The following STXBP5L variants were observed in gnomAD, a reference collection of about 807,000 sequenced individuals.
STXBP5L encodes the protein syntaxin-binding protein 5-like.
Under a neutral mutation model 144.5 loss-of-function variants are expected in STXBP5L, and 65 were observed. The observed-to-expected ratio is 0.45, with a 90% CI of 0.37 to 0.55. STXBP5L has a LOEUF of 0.55. Ranked by LOEUF, STXBP5L falls within the 20% of genes least tolerant of loss-of-function variation. The probability of loss-of-function intolerance (pLI) is 0.00; values close to 1 mark genes in which losing one functional copy is unlikely to be tolerated. For synonymous variants in STXBP5L, 505 were observed against 469.6 expected (o/e 1.08, Z -0.97); for missense variants, 1,298 against 1,405.5 (o/e 0.92, Z 1.22).
chr3:121,234,897 A>G (rs2049424475), intron 12 of STXBP5L, among the ~76,000 whole-genome samples: 1 of 152,044 alleles, frequency 6.6e-6, no homozygotes, highest in African/African-American at 2.4e-5. Context: ...TCGTCTTTCT[A>G]CGTCATATTT....
At chr3:121,289,709 G>A (rs1285570249) in intron 19 of STXBP5L, among the ~76,000 whole-genome samples, 1 of 152,088 alleles carries the variant, frequency 6.6e-6, no homozygotes, top group Non-Finnish European at 1.5e-5. Flanking sequence ...TACTCTCTCA[G>A]ACCACAGTGG....
At chr3:121,330,548 C>A (rs907968213) in intron 20 of STXBP5L, among the ~76,000 whole-genome samples, 1 of 152,166 alleles carries the variant, frequency 6.6e-6, no homozygotes, top group Non-Finnish European at 1.5e-5. Context: ...TTGCTTGAGA[C>A]AGTAGGGTAC....
intron 3 of STXBP5L, among the ~76,000 whole-genome samples, chr3:120,998,346 C>T (rs1278289412): frequency 2.0e-5 from 3 of 151,956 alleles, no homozygotes; most frequent in Middle Eastern, 3.2e-3. Flanking sequence ...TAATCTGTGC[C>T]CCAAAGGTCC....
chr3:120,970,838 G>A (rs1940165954), intron 3 of STXBP5L, among the ~76,000 whole-genome samples: 1 of 152,036 alleles, frequency 6.6e-6, no homozygotes, highest in Admixed American at 6.6e-5. Context: ...TTGAGCACAG[G>A]AACTAAAACA....
chr3:120,977,944 G>T (rs1941275176), intron 3 of STXBP5L, among the ~76,000 whole-genome samples: 1 of 152,216 alleles, frequency 6.6e-6, no homozygotes, highest in Non-Finnish European at 1.5e-5. Flanking sequence ...CCCTTTGTGG[G>T]TAACCCGACC....
intron 2 of STXBP5L, among the ~76,000 whole-genome samples, chr3:120,931,991 G>T (rs1432730194): frequency 6.6e-6 from 1 of 152,112 alleles, no homozygotes; most frequent in East Asian, 1.9e-4. Context: ...AACCTATATG[G>T]CATAGCCTAC....
intron 9 of STXBP5L, among the ~76,000 whole-genome samples, chr3:121,176,712 C>T (rs1280252026): frequency 6.6e-6 from 1 of 151,466 alleles, no homozygotes; most frequent in African/African-American, 2.4e-5. Context: ...GATAAAATTA[C>T]AAAGAACAAA....
At position 121,046,087 on chromosome 3, in the gene STXBP5L, G is replaced by A. The variant is rs192191756; in HGVS notation, c.470+552G>A. 5.9e-5 allele frequency among the ~76,000 whole-genome samples: 9 copies of A among 152,002 alleles called. No individual in the cohort carries two copies. The East Asian group carries it at 1.7e-3, about 29-fold the overall frequency. ...GTTTTAACATGAAGGACATCGAATT[G>A]TACCAGAAGACTTTTCTGCATCTAT... is the stretch of plus-strand genomic sequence containing the variant. On this transcript the variant is annotated intron_variant, in intron 5 of 26. Coordinates refer to ENST00000471454, the MANE Select transcript of STXBP5L (RefSeq NM_001308330.2).
intron 9 of STXBP5L, among the ~76,000 whole-genome samples, chr3:121,164,749 A>C (rs574868901): frequency 8.5e-5 from 13 of 152,318 alleles, no homozygotes; most frequent in African/African-American, 3.1e-4. Flanking sequence ...AACATAGCTG[A>C]ACCTGGAGGA....
intron 5 of STXBP5L, among the ~76,000 whole-genome samples, chr3:121,107,969 G>T (rs2107803024): frequency 6.6e-6 from 1 of 152,130 alleles, no homozygotes; most frequent in East Asian, 1.9e-4. Flanking sequence ...TATTCTCTTT[G>T]TAGCAATTGT....
chr3:121,021,207 G>C (rs1945527298), intron 3 of STXBP5L, among the ~76,000 whole-genome samples: 1 of 152,022 alleles, frequency 6.6e-6, no homozygotes, highest in South Asian at 2.1e-4. Context: ...TAGTCCAACA[G>C]GAAAATATGA....
chr3:120,912,456 T>C (rs1379574641), intron 2 of STXBP5L, among the ~76,000 whole-genome samples: 1 of 151,944 alleles, frequency 6.6e-6, no homozygotes, highest in Non-Finnish European at 1.5e-5. Flanking sequence ...AAAAAAACTT[T>C]TTATATTTGT....
chr3:120,971,481 G>A (rs1940244990), intron 3 of STXBP5L, among the ~76,000 whole-genome samples: 1 of 151,892 alleles, frequency 6.6e-6, no homozygotes. Context: ...TAAACATGTG[G>A]TTAGTGAGAA....
chr3:121,000,315 T>A (rs796938492), intron 3 of STXBP5L, among the ~76,000 whole-genome samples: 4 of 152,266 alleles, frequency 2.6e-5, no homozygotes, highest in African/African-American at 9.6e-5. Context: ...TTTACATTCT[T>A]TTTTCCTTAT....
chr3:120,928,540 T>C (rs1709758376), intron 2 of STXBP5L, among the ~76,000 whole-genome samples: 1 of 152,066 alleles, frequency 6.6e-6, no homozygotes, highest in Admixed American at 6.6e-5. Flanking sequence ...GGATTACAAG[T>C]ATGAGCCACC....
At chr3:120,972,147 A>C (rs1295192662) in intron 3 of STXBP5L, among the ~76,000 whole-genome samples, 1 of 151,906 alleles carries the variant, frequency 6.6e-6, no homozygotes, top group Non-Finnish European at 1.5e-5. Flanking sequence ...TGCATTGAAT[A>C]TGTACATTGA....
chr3:121,410,293 G>T (rs2047085970), intron 23 of STXBP5L, among the ~76,000 whole-genome samples: 1 of 151,836 alleles, frequency 6.6e-6, no homozygotes, highest in African/African-American at 2.4e-5. Context: ...TATAAAAGCT[G>T]CTTGACATGA....
intron 8 of STXBP5L, 99 bp downstream of exon 8, chr3:121,152,659 A>G (rs534102136): frequency 2.5e-6 from 2 of 809,672 alleles, no homozygotes; most frequent in Admixed American, 3.1e-5. Context: ...TAGCCTTGGA[A>G]AGTTGCCTGA....
At chr3:121,287,366 G>T (rs113050465) in intron 19 of STXBP5L, among the ~76,000 whole-genome samples, 59 of 152,046 alleles carry the variant, frequency 3.9e-4, no homozygotes, top group African/African-American at 1.4e-3. Flanking sequence ...ACAGCTACTA[G>T]AACTAAAAAT....
Sources: allele counts gnomAD v4.1 joint callset (sites outside exome capture counted in the v4.1 genomes callset), GRCh38; gene constraint gnomAD v4.1.1; transcripts MANE v1.5; gene names NCBI Gene and HGNC (gene_info 2026-07-23, HGNC 2026-07-21).